Variants in LRP1B observed in about 807,000 individuals in gnomAD.
The protein encoded by LRP1B is low-density lipoprotein receptor-related protein 1B.
A neutral mutation model predicts 556.6 loss-of-function variants in LRP1B; 217 were observed. That is an observed-to-expected ratio of 0.39 (90% confidence interval 0.35 to 0.44). LRP1B has a LOEUF of 0.44. Among genes scored for constraint, LRP1B ranks in the 20% least tolerant of loss-of-function variants. The pLI is 1.00. For missense variants in LRP1B, 5,053 were observed against 5,620.8 expected, an observed-to-expected ratio of 0.90 and a Z score of 3.23; for synonymous variants, 2,047 against 1,865.8, an observed-to-expected ratio of 1.10 and a Z score of -2.50.
In LRP1B at chr2:140,231,868, C is replaced by G. The variant is rs984365201; in HGVS notation, c.*1318G>C. The stretch of plus-strand genomic sequence containing the variant: ...AGCCCTCCAAAACTTGTGAATAAAT[C>G]TTTTGTGCCTTTAAAGATATTTGTA... On this transcript the variant is annotated 3_prime_UTR_variant, in exon 91 of 91. Coordinates refer to ENST00000389484, the MANE Select transcript of LRP1B (RefSeq NM_018557.3). The G allele has an allele frequency of 2.0e-5, 3 of 151,736 alleles. No homozygotes were observed. Among genetic ancestry groups the G allele is most frequent in the Admixed American group, 6.6e-5 (1 of 15,100 alleles). 9.4% of individuals were successfully genotyped at this position (151,736 alleles called of 1,614,324 possible). A position where few individuals can be genotyped will look rare whatever the true frequency, so the allele number is the denominator to read the frequency against.
At chr2:140,465,728 A>AAAAAAAAAAAAAAAAAGAAAAAG (rs1212346708) in intron 60 of LRP1B, among the ~76,000 whole-genome samples, 3 of 151,536 alleles carry the variant, frequency 2.0e-5, no homozygotes, top group African/African-American at 7.3e-5. Context: ...TGCAAAAAAA[A>AAAAAAAAAAAAAAAAAGAAAAAG]AAAAAAGAAA....
chr2:141,139,535 G>A (rs1435658256), intron 7 of LRP1B, among the ~76,000 whole-genome samples: 1 of 151,266 alleles, frequency 6.6e-6, no homozygotes, highest in Non-Finnish European at 1.5e-5. Context: ...CACAAAAAGG[G>A]CAAAGGCCAA....
At chr2:141,895,338 C>T (rs541692767) in intron 1 of LRP1B, among the ~76,000 whole-genome samples, 1 of 152,188 alleles carries the variant, frequency 6.6e-6, no homozygotes, top group African/African-American at 2.4e-5. Flanking sequence ...GAAGTGAGAC[C>T]ATAGCCATAG....
At chr2:141,353,243 C>T (rs896442964) in intron 3 of LRP1B, among the ~76,000 whole-genome samples, 2 of 151,910 alleles carry the variant, frequency 1.3e-5, no homozygotes, top group Non-Finnish European at 1.5e-5. Flanking sequence ...TAGTTGTTAA[C>T]CTCATTGCAT....
rs148045904 is a variant in LRP1B at position 140,546,000 on chromosome 2, T to TTGTGTGTGTGTGTGTGTGTGTG, written c.7195-4051_7195-4030dup. Among the ~76,000 whole-genome samples, 19 of 142,700 alleles carry TTGTGTGTGTGTGTGTGTGTGTG rather than the reference T, an allele frequency of 1.3e-4. No individual in the cohort carries two copies. The East Asian group carries it at 2.8e-3, about 21-fold the overall frequency. 93.6% of individuals were successfully genotyped at this position (142,700 alleles called of 152,430 possible). On this transcript the variant is annotated intron_variant, in intron 43 of 90. Transcript: ENST00000389484. Reference sequence around the variant, plus strand: ...CTCACTGGTTAGCTGTATTATTAGGTTGTGTGTGTGTGTGTGTGTGTGTGT... The same window carrying TTGTGTGTGTGTGTGTGTGTGTG: ...CTCACTGGTTAGCTGTATTATTAGGTTGTGTGTGTGTGTGTGTGTGTGTGTGTGTGTGTGTGTGTGTGTGTGT...
intron 66 of LRP1B, among the ~76,000 whole-genome samples, chr2:140,412,898 T>C (rs1418890217): frequency 6.6e-6 from 1 of 152,122 alleles, no homozygotes; most frequent in Non-Finnish European, 1.5e-5. Flanking sequence ...ATTCATGAAC[T>C]ATGTTTATGA....
At chr2:141,405,664 T>C (rs1362283399) in intron 3 of LRP1B, among the ~76,000 whole-genome samples, 1 of 152,124 alleles carries the variant, frequency 6.6e-6, no homozygotes, top group African/African-American at 2.4e-5. Flanking sequence ...AATCTCATTA[T>C]TATTTTGCTG....
chr2:141,701,851 T>G (rs2105463432), intron 2 of LRP1B, among the ~76,000 whole-genome samples: 1 of 152,016 alleles, frequency 6.6e-6, no homozygotes, highest in Admixed American at 6.6e-5. Flanking sequence ...TTTTCAATAT[T>G]TATTTAGTCC....
intron 2 of LRP1B, among the ~76,000 whole-genome samples, chr2:141,779,841 G>A (rs1019715002): frequency 2.0e-5 from 3 of 151,508 alleles, no homozygotes; most frequent in Admixed American, 2.0e-4. Flanking sequence ...GATTCCAAAG[G>A]TCACTGATAT....
At chr2:141,358,634 T>C (rs112179860) in intron 3 of LRP1B, among the ~76,000 whole-genome samples, 2 of 152,228 alleles carry the variant, frequency 1.3e-5, no homozygotes, top group Admixed American at 6.5e-5. Flanking sequence ...TTCTAGTAGA[T>C]TGTTAGTTCT....
At chr2:141,599,775 C>T (rs1409257976) in intron 2 of LRP1B, among the ~76,000 whole-genome samples, 4 of 77,712 alleles carry the variant, frequency 5.1e-5, no homozygotes, top group African/African-American at 1.3e-4. Flanking sequence ...TCAAAAACAA[C>T]TAAGAAAAAT....
intron 2 of LRP1B, among the ~76,000 whole-genome samples, chr2:141,490,383 G>GTGCA (rs1396636603): frequency 6.7e-5 from 3 of 44,622 alleles, no homozygotes; most frequent in African/African-American, 2.5e-4. Flanking sequence ...GTGTGTGTGT[G>GTGCA]TGTGTGTGTG....
chr2:141,068,063 T>A (rs1329276345), intron 7 of LRP1B, among the ~76,000 whole-genome samples: 1 of 152,024 alleles, frequency 6.6e-6, no homozygotes, highest in Non-Finnish European at 1.5e-5. Context: ...GAGCTAACTT[T>A]GGTAGGTTTC....
At chr2:141,795,523 G>A (rs1051399147) in intron 2 of LRP1B, among the ~76,000 whole-genome samples, 6 of 151,872 alleles carry the variant, frequency 4.0e-5, no homozygotes, top group Non-Finnish European at 8.8e-5. Flanking sequence ...CAGAGTCCAC[G>A]TTTGTGGTGA....
intron 23 of LRP1B, chr2:140,898,273 G>GA (rs1256264811): frequency 6.5e-6 from 1 of 152,886 alleles, no homozygotes; most frequent in Non-Finnish European, 1.5e-5. Context: ...TCTTCATTCT[G>GA]AAGGTTTCTG....
intron 2 of LRP1B, among the ~76,000 whole-genome samples, chr2:141,594,574 C>A (rs1239237364): frequency 6.6e-6 from 1 of 151,972 alleles, no homozygotes; most frequent in Non-Finnish European, 1.5e-5. Flanking sequence ...ATCAGACTAA[C>A]CTGAGTTAGA....
chr2:141,489,272 G>A (rs1683245425), intron 2 of LRP1B, among the ~76,000 whole-genome samples: 1 of 150,612 alleles, frequency 6.6e-6, no homozygotes, highest in Admixed American at 6.7e-5. Context: ...ACAGGCATGA[G>A]CCACTACACC....
intron 2 of LRP1B, among the ~76,000 whole-genome samples, chr2:141,630,840 T>C (rs1480295066): frequency 6.6e-6 from 1 of 152,220 alleles, no homozygotes; most frequent in Non-Finnish European, 1.5e-5. Flanking sequence ...ATTATCCTTT[T>C]GGGATGCTCT....
intron 5 of LRP1B, among the ~76,000 whole-genome samples, chr2:141,239,344 A>T (rs1388857169): frequency 6.6e-6 from 1 of 152,134 alleles, no homozygotes; most frequent in Admixed American, 6.6e-5. Flanking sequence ...AAGGCGATTA[A>T]AGAGCAGAGC....
Sources: allele counts gnomAD v4.1 joint callset (sites outside exome capture counted in the v4.1 genomes callset), GRCh38; gene constraint gnomAD v4.1.1; transcripts MANE v1.5; gene names NCBI Gene and HGNC (gene_info 2026-07-23, HGNC 2026-07-21).